LMBR1: variants seen among roughly 807,000 people sequenced by gnomAD.
LMBR1 encodes limb region 1 protein homolog.
In LMBR1, 52 loss-of-function variants were observed where a neutral mutation model predicts 73.9. The ratio of observed to expected loss-of-function variants is 0.70; its 90% CI spans 0.56 to 0.89. LMBR1 has a LOEUF of 0.89. Among genes scored for constraint, LMBR1 ranks in the 40% least tolerant of loss-of-function variants. The pLI is 0.00. For synonymous variants in LMBR1, 215 were observed against 209.4 expected (o/e 1.03, Z -0.23); for missense variants, 539 against 579.8 (o/e 0.93, Z 0.72).
intron 10 of LMBR1, among the ~76,000 whole-genome samples, chr7:156,733,105 A>G (rs975274442): frequency 6.6e-6 from 1 of 152,184 alleles, no homozygotes; most frequent in African/African-American, 2.4e-5. Context: ...AGATCGCACC[A>G]TTGCACTCTA....
intron 4 of LMBR1, among the ~76,000 whole-genome samples, chr7:156,798,786 A>G (rs1258752403): frequency 1.3e-5 from 2 of 152,202 alleles, no homozygotes; most frequent in Non-Finnish European, 2.9e-5. Flanking sequence ...ACCGTTTCAA[A>G]TCATTTGTGT....
At chr7:156,706,012 C>A (rs1037171546) in intron 15 of LMBR1, among the ~76,000 whole-genome samples, 1 of 151,872 alleles carries the variant, frequency 6.6e-6, no homozygotes, top group Non-Finnish European at 1.5e-5. Flanking sequence ...AAAACATGAT[C>A]CAACCATACA....
chr7:156,734,659 A>C (rs1487581793), intron 9 of LMBR1, among the ~76,000 whole-genome samples: 1 of 152,216 alleles, frequency 6.6e-6, no homozygotes, highest in South Asian at 2.1e-4. Flanking sequence ...ATTAAAAATA[A>C]ATGCTACATG....
chr7:156,827,521 ACCTTCT>A (rs1835907888), intron 3 of LMBR1, among the ~76,000 whole-genome samples: 1 of 152,156 alleles, frequency 6.6e-6, no homozygotes, highest in Admixed American at 6.5e-5. Context: ...AGGTGCTTTC[ACCTTCT>A]CAGTTACACA....
intron 5 of LMBR1, among the ~76,000 whole-genome samples, chr7:156,778,142 G>A (rs1826487984): frequency 1.3e-5 from 2 of 152,170 alleles, no homozygotes; most frequent in African/African-American, 2.4e-5. Context: ...ACTCTCTGTA[G>A]TCAATCATAT....
chr7:156,806,598 CTTTTTTTTTTTTTT>C (rs71189962), intron 4 of LMBR1, among the ~76,000 whole-genome samples: 9 of 44,672 alleles, frequency 2.0e-4, no homozygotes, highest in African/African-American at 6.1e-4. Flanking sequence ...TTTGTAGATG[CTTTTTTTTTTTTTT>C]TTTTTTTTTT....
intron 1 of LMBR1, among the ~76,000 whole-genome samples, chr7:156,875,566 G>C (rs558513156): frequency 6.6e-6 from 1 of 152,252 alleles, no homozygotes; most frequent in African/African-American, 2.4e-5. Flanking sequence ...GAGCTGTGAG[G>C]CAAAAGCACC....
At chr7:156,774,556 G>A (rs1825784708) in intron 5 of LMBR1, among the ~76,000 whole-genome samples, 2 of 152,216 alleles carry the variant, frequency 1.3e-5, no homozygotes, top group African/African-American at 4.8e-5. Flanking sequence ...GATCAGCCGG[G>A]TGAGACAGCT....
intron 8 of LMBR1, among the ~76,000 whole-genome samples, chr7:156,759,917 A>C (rs923931661): frequency 1.3e-5 from 2 of 152,178 alleles, no homozygotes; most frequent in African/African-American, 4.8e-5. Context: ...CCGACTGGCT[A>C]TTTTAAAGGG....
chr7:156,673,359 C>T (rs1416971223), downstream of LMBR1, among the ~76,000 whole-genome samples: 1 of 152,078 alleles, frequency 6.6e-6, no homozygotes, highest in East Asian at 1.9e-4. Context: ...AGTAATTTTT[C>T]CTTTTACAAT....
chr7:156,803,721 T>C (rs1316136308), intron 4 of LMBR1, among the ~76,000 whole-genome samples: 3 of 151,718 alleles, frequency 2.0e-5, no homozygotes, highest in Non-Finnish European at 4.4e-5. Context: ...CTATTCACAA[T>C]AGAAAAGACT....
At chr7:156,850,987 C>T (rs1796158264) in intron 1 of LMBR1, among the ~76,000 whole-genome samples, 1 of 152,024 alleles carries the variant, frequency 6.6e-6, no homozygotes, top group African/African-American at 2.4e-5. Flanking sequence ...TTGGCACCTC[C>T]TTTCTCTCTC....
intron 4 of LMBR1, among the ~76,000 whole-genome samples, chr7:156,815,284 A>T (rs1833739787): frequency 6.6e-6 from 1 of 152,144 alleles, no homozygotes; most frequent in Admixed American, 6.6e-5. Flanking sequence ...TTCCTTAAAG[A>T]ATTATTCTCA....
intron 9 of LMBR1, among the ~76,000 whole-genome samples, chr7:156,750,614 T>G (rs1820700137): frequency 1.3e-5 from 2 of 152,208 alleles, no homozygotes; most frequent in African/African-American, 4.8e-5. Context: ...TTTTACTTCC[T>G]CTTCCTTTTT....
intron 1 of LMBR1, among the ~76,000 whole-genome samples, chr7:156,886,120 C>A (rs896153691): frequency 2.6e-5 from 4 of 151,956 alleles, no homozygotes; most frequent in African/African-American, 9.7e-5. Context: ...CTACAGTAAG[C>A]CGTGTTTGTG....
At chr7:156,716,016 G>A (rs1342268797) in intron 15 of LMBR1, among the ~76,000 whole-genome samples, 1 of 152,108 alleles carries the variant, frequency 6.6e-6, no homozygotes, top group African/African-American at 2.4e-5. Context: ...CAACATGGTG[G>A]CACCCACTGA....
chr7:156,852,513 C>T (rs1456858503), intron 1 of LMBR1, among the ~76,000 whole-genome samples: 1 of 152,174 alleles, frequency 6.6e-6, no homozygotes, highest in Non-Finnish European at 1.5e-5. Flanking sequence ...ACCCCTGACA[C>T]AATAATTTTC....
At chr7:156,703,112 G>T (rs1296328056) in intron 15 of LMBR1, among the ~76,000 whole-genome samples, 1 of 152,192 alleles carries the variant, frequency 6.6e-6, no homozygotes, top group African/African-American at 2.4e-5. Flanking sequence ...TTAAGGAGCA[G>T]CCAGGAAACC....
rs947071531 is a variant in LMBR1 at position 156,669,520 on chromosome 7, C to T, written n.867-233G>A. Among the ~76,000 whole-genome samples, 1 of 152,122 alleles carries T rather than the reference C, an allele frequency of 6.6e-6. No individual in the cohort carries two copies. Among genetic ancestry groups the T allele is most frequent in the Admixed American group, 6.5e-5 (1 of 15,282 alleles). On this transcript the variant is annotated intron_variant and non_coding_transcript_variant, in intron 4 of 4. Transcript: ENST00000430825. The surrounding 1 kb of genome is among the most constrained non-coding windows in gnomAD (Gnocchi z 4.2). Reference sequence around the variant, plus strand: ...CGGCTTAGCATGTGGGAGGGGCAGGCTGGCAGAGTGTGAGCCGCTGGGCAC... The same window carrying T: ...CGGCTTAGCATGTGGGAGGGGCAGGTTGGCAGAGTGTGAGCCGCTGGGCAC...
Sources: allele counts gnomAD v4.1 joint callset (sites outside exome capture counted in the v4.1 genomes callset), GRCh38; gene constraint gnomAD v4.1.1; non-coding constraint Gnocchi (gnomAD v3.1); transcripts MANE v1.5; gene names NCBI Gene and HGNC (gene_info 2026-07-23, HGNC 2026-07-21).